The following PSD3 variants were observed in gnomAD, a reference collection of about 807,000 sequenced individuals.
PSD3 encodes PH and SEC7 domain-containing protein 3.
PSD3 carries 49 observed loss-of-function variants against 105.5 expected under a neutral mutation model. The observed-to-expected ratio is 0.46, with a 90% confidence interval of 0.37 to 0.59. The LOEUF (loss-of-function observed/expected upper bound fraction) is 0.59. Among genes scored for constraint, PSD3 ranks in the 20% least tolerant of loss-of-function variants. PSD3 has a pLI of 0.00. For synonymous variants in PSD3, 557 were observed against 457.8 expected, an observed-to-expected ratio of 1.22 and a Z score of -2.77; for missense variants, 1,561 against 1,263.8, an observed-to-expected ratio of 1.24 and a Z score of -3.57.
intron 4 of PSD3, among the ~76,000 whole-genome samples, chr8:18,806,662 T>G (rs892417138): frequency 6.6e-6 from 1 of 152,214 alleles, no homozygotes; most frequent in African/African-American, 2.4e-5. Context: ...TTGTTGTTGT[T>G]GTTTTGTTAC....
chr8:18,698,206 C>G (rs1801370821), intron 9 of PSD3, among the ~76,000 whole-genome samples: 1 of 152,218 alleles, frequency 6.6e-6, no homozygotes, highest in East Asian at 1.9e-4. Context: ...TCAACTGAGC[C>G]TCCTGCTTCA....
intron 1 of PSD3, among the ~76,000 whole-genome samples, chr8:19,052,842 G>C (rs1008382102): frequency 1.3e-5 from 2 of 152,092 alleles, no homozygotes; most frequent in East Asian, 3.9e-4. Context: ...CACTGGGGAG[G>C]GACAGGTGCT....
Position 18,879,372 on chromosome 8 carries a change from G to A in PSD3, c.131-6639C>T, listed in dbSNP as rs149590279. Among the ~76,000 whole-genome samples the A allele has an allele frequency of 6.6e-5, 10 of 152,258 alleles. No individual in the cohort carries two copies. In the East Asian group the frequency reaches 7.7e-4, roughly 12 times the overall value. ...CTATTAAATACTGGAGTAGTTTCTCGTGGTCTGTGTTTACTGTTCTAAGAA... is the reference window on the plus strand; with the variant it reads ...CTATTAAATACTGGAGTAGTTTCTCATGGTCTGTGTTTACTGTTCTAAGAA... On this transcript the variant is annotated intron_variant, in intron 2 of 15. Transcript: ENST00000327040.
chr8:18,963,486 G>A (rs575571387), intron 1 of PSD3, among the ~76,000 whole-genome samples: 64 of 151,934 alleles, frequency 4.2e-4, no homozygotes, highest in African/African-American at 1.3e-3. Flanking sequence ...ATACATACTC[G>A]ACTCGCCAAC....
chr8:18,854,821 T>C (rs1815873034), intron 4 of PSD3, among the ~76,000 whole-genome samples: 1 of 152,130 alleles, frequency 6.6e-6, no homozygotes, highest in African/African-American at 2.4e-5. Flanking sequence ...CTCATGTAAT[T>C]TGTGATTTTC....
At position 19,083,369 on chromosome 8, in the gene PSD3, G is replaced by A. The variant is rs191447190; in HGVS notation, c.324+837C>T. On this transcript the variant is annotated intron_variant, in intron 1 of 1. Coordinates refer to the PSD3 transcript ENST00000521475. ...AACGGGAAGGCTGGGCCAGAAGTGC[G>A]GAGTGTGAGATGCTAACAACAAGGG... Among the ~76,000 whole-genome samples, 34 of 152,304 alleles carry A rather than the reference G, an allele frequency of 2.2e-4. No homozygotes were observed. The East Asian group carries it at 3.1e-3, about 14-fold the overall frequency.
chr8:19,046,578 C>T (rs1418977855), intron 1 of PSD3, among the ~76,000 whole-genome samples: 1 of 152,216 alleles, frequency 6.6e-6, no homozygotes, highest in Non-Finnish European at 1.5e-5. Context: ...AATCTTGGCA[C>T]TGTATTCCTT....
intron 1 of PSD3, among the ~76,000 whole-genome samples, chr8:18,950,442 T>C (rs951921034): frequency 6.6e-6 from 1 of 152,128 alleles, no homozygotes; most frequent in East Asian, 1.9e-4. Flanking sequence ...TGCTCTGCAA[T>C]AGAGCTCAAA....
At chr8:18,811,896 T>C (rs1168210267) in intron 4 of PSD3, among the ~76,000 whole-genome samples, 1 of 152,180 alleles carries the variant, frequency 6.6e-6, no homozygotes, top group Non-Finnish European at 1.5e-5. Flanking sequence ...TTCCATTTAG[T>C]AACAGAATAA....
intron 15 of PSD3, among the ~76,000 whole-genome samples, chr8:18,554,997 G>T (rs535992627): frequency 2.0e-5 from 3 of 152,084 alleles, no homozygotes; most frequent in Non-Finnish European, 4.4e-5. Context: ...AAAGACGGAC[G>T]TTGTGGAAAC....
chr8:18,566,634 G>A (rs1017973951), intron 14 of PSD3, among the ~76,000 whole-genome samples: 1 of 152,074 alleles, frequency 6.6e-6, no homozygotes, highest in Non-Finnish European at 1.5e-5. Context: ...GCAATTCAGT[G>A]GGGTGGCGGA....
intron 2 of PSD3, among the ~76,000 whole-genome samples, chr8:18,914,491 G>A (rs976985291): frequency 2.0e-5 from 3 of 152,192 alleles, no homozygotes; most frequent in South Asian, 4.2e-4. Context: ...CAAAAAAAAT[G>A]TTAAAACTAA....
chr8:19,077,439 T>C (rs1327913694), intron 1 of PSD3, among the ~76,000 whole-genome samples: 1 of 152,060 alleles, frequency 6.6e-6, no homozygotes, highest in Non-Finnish European at 1.5e-5. Context: ...AAAACAGTCA[T>C]AGCTGCTGAT....
intron 12 of PSD3, among the ~76,000 whole-genome samples, chr8:18,589,992 C>A (rs180956178): frequency 6.6e-6 from 1 of 152,174 alleles, no homozygotes; most frequent in South Asian, 2.1e-4. Context: ...GTCTTGGAAT[C>A]TGTTGAACAT....
At chr8:19,052,258 G>A (rs1197262133) in intron 1 of PSD3, among the ~76,000 whole-genome samples, 1 of 152,138 alleles carries the variant, frequency 6.6e-6, no homozygotes, top group Non-Finnish European at 1.5e-5. Flanking sequence ...CGGATCCCAA[G>A]GTCAGGAGAT....
At chr8:19,016,584 T>C (rs1172397811), upstream of PSD3, among the ~76,000 whole-genome samples, 2 of 152,200 alleles carry the variant, frequency 1.3e-5, no homozygotes, top group African/African-American at 4.8e-5. Context: ...CACAATAGTT[T>C]TATCTACCAC....
At chr8:18,992,995 C>A (rs774018957) in intron 1 of PSD3, among the ~76,000 whole-genome samples, 1 of 152,112 alleles carries the variant, frequency 6.6e-6, no homozygotes, top group Admixed American at 6.5e-5. Context: ...GAAATAGACA[C>A]CTCATCCAAA....
At chr8:18,968,965 G>A (rs1824462755) in intron 1 of PSD3, among the ~76,000 whole-genome samples, 1 of 151,380 alleles carries the variant, frequency 6.6e-6, no homozygotes, top group African/African-American at 2.4e-5. Context: ...ATGCAGTGGG[G>A]GATATGAAGA....
intron 9 of PSD3, among the ~76,000 whole-genome samples, chr8:18,699,680 A>T (rs11997349): frequency 0.094 from 14,306 of 152,202 alleles, 1,815 homozygotes; most frequent in African/African-American, 0.29. Flanking sequence ...CAATACAGGA[A>T]AAAGAATTCA....
Sources: allele counts gnomAD v4.1 joint callset (sites outside exome capture counted in the v4.1 genomes callset), GRCh38; gene constraint gnomAD v4.1.1; transcripts MANE v1.5; gene names NCBI Gene and HGNC (gene_info 2026-07-23, HGNC 2026-07-21).